Variants in CDH13 observed in about 807,000 individuals in gnomAD.
The protein encoded by CDH13 is cadherin 13.
CDH13 carries 24 observed loss-of-function variants against 63.8 expected under a neutral mutation model. The observed-to-expected ratio is 0.38, with a 90% confidence interval of 0.27 to 0.53. CDH13 has a LOEUF of 0.53. Among genes scored for constraint, CDH13 ranks in the 20% least tolerant of loss-of-function variants. The pLI is 0.85. For missense variants in CDH13, 1,049 were observed against 903.1 expected (o/e 1.16, Z -2.07); for synonymous variants, 503 against 355.3 (o/e 1.42, Z -4.67).
At chr16:83,250,569 T>A (rs944134441) in intron 5 of CDH13, among the ~76,000 whole-genome samples, 2 of 152,140 alleles carry the variant, frequency 1.3e-5, no homozygotes, top group African/African-American at 4.8e-5. Context: ...AGGTATGCAC[T>A]GAGACGCACC....
intron 2 of CDH13, among the ~76,000 whole-genome samples, chr16:82,994,300 C>A (rs72792138): frequency 0.092 from 14,050 of 152,220 alleles, 864 homozygotes; most frequent in African/African-American, 0.17. Context: ...CCTCCTCATC[C>A]TGACTTAGTA....
At chr16:83,363,044 A>G (rs1487254691) in intron 6 of CDH13, among the ~76,000 whole-genome samples, 1 of 152,224 alleles carries the variant, frequency 6.6e-6, no homozygotes, top group Non-Finnish European at 1.5e-5. Context: ...ACTACATTTT[A>G]AAAAGGGCAA....
intron 1 of CDH13, among the ~76,000 whole-genome samples, chr16:82,783,356 C>T (rs867130544): frequency 2.6e-5 from 4 of 152,182 alleles, no homozygotes; most frequent in Non-Finnish European, 4.4e-5. Flanking sequence ...AGGCTTTCTG[C>T]GATGATGGAA....
At chr16:83,307,791 A>G (rs1484535194) in intron 5 of CDH13, among the ~76,000 whole-genome samples, 5 of 152,222 alleles carry the variant, frequency 3.3e-5, no homozygotes, top group Non-Finnish European at 7.3e-5. Flanking sequence ...TCTGAACAGC[A>G]TTTTAGCACT....
At chr16:83,432,937 A>G (rs2072169988) in intron 6 of CDH13, among the ~76,000 whole-genome samples, 1 of 152,256 alleles carries the variant, frequency 6.6e-6, no homozygotes, top group South Asian at 2.1e-4. Context: ...TAGGGTTGAT[A>G]AGAATTACTT....
At chr16:83,672,848 T>C (rs186942637) in intron 9 of CDH13, among the ~76,000 whole-genome samples, 4 of 152,298 alleles carry the variant, frequency 2.6e-5, no homozygotes, top group African/African-American at 9.6e-5. Context: ...AAACTTCAGG[T>C]CTGGAAAATT....
intron 7 of CDH13, among the ~76,000 whole-genome samples, chr16:83,527,991 C>G (rs1453632715): frequency 6.6e-6 from 1 of 152,090 alleles, no homozygotes; most frequent in South Asian, 2.1e-4. Flanking sequence ...TCTAAGGGCA[C>G]GCAGGGAGTT....
intron 10 of CDH13, among the ~76,000 whole-genome samples, chr16:83,744,711 G>A (rs1436482327): frequency 6.6e-6 from 1 of 152,146 alleles, no homozygotes; most frequent in Non-Finnish European, 1.5e-5. Context: ...AGGGCGCCCC[G>A]CACAAGACCA....
intron 5 of CDH13, among the ~76,000 whole-genome samples, chr16:83,296,763 A>G (rs1235581330): frequency 4.6e-5 from 7 of 152,196 alleles, no homozygotes; most frequent in Non-Finnish European, 1.0e-4. Context: ...CAACTTGTTC[A>G]AATTGTTAAG....
chr16:83,785,389 C>G (rs542231867), intron 13 of CDH13, among the ~76,000 whole-genome samples: 2 of 152,320 alleles, frequency 1.3e-5, no homozygotes, highest in African/African-American at 4.8e-5. Context: ...CCCATCCCAT[C>G]CATGAGGACA....
At chr16:83,110,227 C>A (rs1283491630) in intron 3 of CDH13, among the ~76,000 whole-genome samples, 1 of 152,204 alleles carries the variant, frequency 6.6e-6, no homozygotes, top group Non-Finnish European at 1.5e-5. Flanking sequence ...GCAGATCTCA[C>A]GTTCTGATCA....
rs140196829 is a variant in CDH13, at chr16:83,779,572, C to T, written c.1682-396C>T. On this transcript the variant is annotated intron_variant, in intron 11 of 13. Transcript: ENST00000567109. ...GCATGGTGGCTCACGCCTGTGATCA[C>T]AACACTTTTGGTGTCTGAGGCAGGA... Among the ~76,000 whole-genome samples the T allele has an allele frequency of 3.9e-5, 6 of 152,206 alleles. No homozygotes were observed. In the East Asian group the frequency reaches 7.7e-4, roughly 20 times the overall value.
intron 1 of CDH13, among the ~76,000 whole-genome samples, chr16:82,845,995 G>T (rs928572656): frequency 1.3e-5 from 2 of 152,212 alleles, no homozygotes; most frequent in African/African-American, 4.8e-5. Context: ...TTCACTGAGT[G>T]AATTGTTCTT....
intron 8 of CDH13, among the ~76,000 whole-genome samples, chr16:83,664,930 A>G (rs905048817): frequency 2.6e-5 from 4 of 152,248 alleles, no homozygotes; most frequent in Non-Finnish European, 5.9e-5. Context: ...CCTCTCACTT[A>G]CTGATGTATT....
intron 2 of CDH13, among the ~76,000 whole-genome samples, chr16:82,929,348 C>G (rs776492377): frequency 2.6e-5 from 4 of 151,962 alleles, no homozygotes; most frequent in Admixed American, 6.6e-5. Flanking sequence ...TCCTTTTCTA[C>G]TACATGAGGA....
chr16:82,737,110 C>G (rs1020654117), intron 1 of CDH13, among the ~76,000 whole-genome samples: 1 of 152,192 alleles, frequency 6.6e-6, no homozygotes, highest in Non-Finnish European at 1.5e-5. Context: ...ATGCCTGAAT[C>G]TTTATCTTAA....
At chr16:82,819,454 C>G (rs2037891346) in intron 1 of CDH13, among the ~76,000 whole-genome samples, 5 of 152,158 alleles carry the variant, frequency 3.3e-5, no homozygotes, top group Admixed American at 3.3e-4. Flanking sequence ...CAGGAAGCTT[C>G]TAAGCTGCCT....
chr16:82,640,884 G>A (rs1462346377), intron 1 of CDH13, among the ~76,000 whole-genome samples: 1 of 152,148 alleles, frequency 6.6e-6, no homozygotes, highest in African/African-American at 2.4e-5. Flanking sequence ...CAATTTTTAA[G>A]GCACTTTTGC....
chr16:83,275,844 T>C (rs1027756638), intron 5 of CDH13, among the ~76,000 whole-genome samples: 6 of 151,728 alleles, frequency 4.0e-5, no homozygotes, highest in Admixed American at 2.6e-4. Flanking sequence ...GAAAGAGGGG[T>C]GAGGGAAGGG....
Sources: gnomAD v4.1 joint callset for allele counts (sites outside exome capture counted in the v4.1 genomes callset) on GRCh38, gnomAD v4.1.1 for gene constraint, MANE v1.5 for transcripts, NCBI Gene and HGNC (gene_info 2026-07-23, HGNC 2026-07-21) for gene names.